ARAP1: variants seen among roughly 807,000 people sequenced by gnomAD.
ARAP1 encodes the protein arf-GAP with Rho-GAP domain, ANK repeat and PH domain-containing protein 1.
Under a neutral mutation model 172.2 loss-of-function variants are expected in ARAP1, and 76 were observed. The observed-to-expected ratio is 0.44, with a 90% CI of 0.37 to 0.53. ARAP1 has a LOEUF of 0.53. Among genes scored for constraint, ARAP1 ranks in the 20% least tolerant of loss-of-function variants. The pLI, the probability that ARAP1 is intolerant of heterozygous loss-of-function variation, is 0.00. For missense variants in ARAP1, 1,686 were observed against 1,977.5 expected (o/e 0.85, Z 2.80); for synonymous variants, 804 against 803.3 (o/e 1.00, Z -0.01).
At chr11:72,689,624 C>A (rs1855850023) in intron 30 of ARAP1, 1 of 152,272 alleles carries the variant, frequency 6.6e-6, no homozygotes, top group African/African-American at 2.4e-5. Flanking sequence ...TGCTTAGGGA[C>A]TGGAGAAGAC....
In ARAP1 at chr11:72,693,375, G is replaced by A. The variant is rs1370961358; in HGVS notation, c.3904C>T (p.Arg1302Cys). The change falls in exon 29 of 35, where the codon CGC (arginine) becomes TGC (cysteine). Residue 1302 changes from arginine to cysteine, a missense_variant. By Grantham distance (180) the Arg-to-Cys change is radical. This residue lies in a region of ARAP1 where 379 missense variants were observed against 500.1 expected (regional missense o/e 0.76). Coordinates refer to ENST00000393609, the MANE Select transcript of ARAP1 (RefSeq NM_001040118.3). This position sits in a 1 kb window ranked among gnomAD's most constrained non-coding sequence, Gnocchi z 4.6. Reference sequence around the variant, plus strand: ...CAGCTGCTGTTGAGGATGAAGTAGCGATCGTGGAAGCCACCTGAGGGCAGG... The same window carrying A: ...CAGCTGCTGTTGAGGATGAAGTAGCAATCGTGGAAGCCACCTGAGGGCAGG... ...LGLPSGGFHDRYFILNSSCLR... is the reference protein window; with the variant it reads ...LGLPSGGFHDCYFILNSSCLR... 3.1e-6 allele frequency: 5 copies of A among 1,613,782 alleles called. No homozygotes were observed. The highest frequency in any genetic ancestry group is 4.2e-6 in the Non-Finnish European group (5 of 1,179,850).
chr11:72,727,242 C>G, intron 2 of ARAP1, 70 bp from the exon 3 acceptor site: 1 of 1,303,944 alleles, frequency 7.7e-7, no homozygotes, highest in South Asian at 1.5e-5. Context: ...CAGCAGCCTG[C>G]ATGGCTCTCT....
intron 2 of ARAP1, among the ~76,000 whole-genome samples, chr11:72,727,618 C>T (rs113042705): frequency 1.8e-4 from 27 of 152,292 alleles, no homozygotes; most frequent in African/African-American, 5.3e-4. Context: ...AAGGGCTTAG[C>T]GAGCATTGAA....
At chr11:72,713,079 G>T in intron 5 of ARAP1, 97 bp downstream of exon 5, 1 of 1,299,232 alleles carries the variant, frequency 7.7e-7, no homozygotes, top group Non-Finnish European at 1.1e-6. Flanking sequence ...CCGGGAAATG[G>T]CTGCCCACTC....
At chr11:72,701,837 C>G in intron 15 of ARAP1, 54 bp from the exon 16 acceptor site, 1 of 1,593,922 alleles carries the variant, frequency 6.3e-7, no homozygotes, top group Non-Finnish European at 8.6e-7. Context: ...AGAGGGTGTC[C>G]CCACCTCACT....
At chr11:72,715,103 C>T (rs544230182) in intron 3 of ARAP1, among the ~76,000 whole-genome samples, 5 of 152,368 alleles carry the variant, frequency 3.3e-5, no homozygotes, top group East Asian at 1.9e-4. Context: ...TGAATCCTGC[C>T]TTAGTTTCTT....
rs1195707763 is a variant in ARAP1, at chr11:72,695,847, G to A, written c.3291C>T (p.Asp1097=). The A allele has an allele frequency of 6.2e-7, 1 of 1,613,078 alleles. No homozygotes were observed. Among genetic ancestry groups the A allele is most frequent in the Admixed American group, 1.7e-5 (1 of 59,934 alleles). ...SHLYCVQCFS[D]TNQMNVHNLA... ...GGTTGTGCACGTTCATCTGGTTCGTGTCTGAGAAGCACTGAACACTGGAGA... is the reference window on the plus strand; with the variant it reads ...GGTTGTGCACGTTCATCTGGTTCGTATCTGAGAAGCACTGAACACTGGAGA... The change falls in exon 24 of 35, where the codon GAC becomes GAT. Residue 1097 remains aspartate (D), a synonymous_variant. Transcript: ENST00000393609. The surrounding 1 kb of genome is among the most constrained non-coding windows in gnomAD (Gnocchi z 4.4).
At position 72,696,894 on chromosome 11, in the gene ARAP1, G is replaced by T. The variant is rs1325388263; in HGVS notation, c.3166+89C>A. The T allele has an allele frequency of 2.2e-6, 3 of 1,361,884 alleles. No individual in the cohort carries two copies. The African/African-American group carries it at 4.3e-5, about 20-fold the overall frequency. The allele number at this position is 1,361,884 out of a possible 1,614,324, so 84.4% of individuals were successfully genotyped here. On this transcript the variant is annotated intron_variant, in intron 22 of 34. Coordinates refer to ENST00000393609, the MANE Select transcript of ARAP1 (RefSeq NM_001040118.3). ...AACTGGAGCCTGTGGGTTAGGGTAAGCCTAGTGCAAGTGCCACAAGGGAAG... is the reference window on the plus strand; with the variant it reads ...AACTGGAGCCTGTGGGTTAGGGTAATCCTAGTGCAAGTGCCACAAGGGAAG...
rs762040438 is a variant in ARAP1 at position 72,685,505 on chromosome 11, G to A, written c.*159C>T. ...ACCCCTGCTGCCTCCCACCCCTGCCGGGGAACCCCATGCTGCAGTCAGGAT... is the reference window on the plus strand; with the variant it reads ...ACCCCTGCTGCCTCCCACCCCTGCCAGGGAACCCCATGCTGCAGTCAGGAT... On this transcript the variant is annotated 3_prime_UTR_variant, in exon 35 of 35. Transcript: ENST00000393609. The A allele has an allele frequency of 1.2e-4, 125 of 1,047,482 alleles. No individual in the cohort carries two copies. Among genetic ancestry groups the A allele is most frequent in the East Asian group, 7.7e-4 (31 of 40,512 alleles). 64.9% of individuals were successfully genotyped at this position (1,047,482 alleles called of 1,614,324 possible).
intron 1 of ARAP1, among the ~76,000 whole-genome samples, chr11:72,743,989 C>A (rs2886367): frequency 6.6e-6 from 1 of 151,874 alleles, no homozygotes. Context: ...TCCACTCTCA[C>A]GCTCCAACAC....
intron 4 of ARAP1, 104 bp from the exon 5 acceptor site, chr11:72,713,347 TC>T: frequency 2.0e-6 from 2 of 1,020,016 alleles, no homozygotes; most frequent in South Asian, 1.4e-5. Flanking sequence ...AAGACCCCCA[TC>T]CCCACCTCCC....
At chr11:72,687,347 G>A in intron 33 of ARAP1, 92 bp downstream of exon 33, 4 of 1,478,712 alleles carry the variant, frequency 2.7e-6, no homozygotes, top group Non-Finnish European at 3.8e-6. Context: ...GAAGCAAGGG[G>A]TGGGTTGAAT....
chr11:72,696,397 C>T (rs1856193942), intron 23 of ARAP1, 152 bp downstream of exon 23: 1 of 565,880 alleles, frequency 1.8e-6, no homozygotes, highest in Non-Finnish European at 2.9e-6. Context: ...CTGGGGAACC[C>T]TGCTCTACAA....
At chr11:72,707,024 G>T in intron 12 of ARAP1, 151 bp downstream of exon 12, 1 of 817,492 alleles carries the variant, frequency 1.2e-6, no homozygotes, top group Non-Finnish European at 1.8e-6. Flanking sequence ...AGGACTCAAA[G>T]CTAATCACAG....
At chr11:72,692,926 G>A in intron 29 of ARAP1, 141 bp from the exon 30 acceptor site, 2 of 1,086,520 alleles carry the variant, frequency 1.8e-6, no homozygotes, top group South Asian at 1.3e-5. Flanking sequence ...TCTGGGTTGG[G>A]AGAACACCTG....
chr11:72,696,470 G>T, intron 23 of ARAP1, 79 bp downstream of exon 23: 1 of 1,190,784 alleles, frequency 8.4e-7, no homozygotes. Context: ...GGCTCCCAGA[G>T]GAGGGTAGTC....
chr11:72,701,321 A>G (rs1392735079), intron 16 of ARAP1, among the ~76,000 whole-genome samples: 1 of 152,048 alleles, frequency 6.6e-6, no homozygotes, highest in Non-Finnish European at 1.5e-5. Context: ...GATCAGATGG[A>G]TAGGGCTTTC....
Position 72,695,397 on chromosome 11 carries a change from T to C in ARAP1, c.3566A>G (p.Gln1189Arg), listed in dbSNP as rs1340229222. The change falls in exon 26 of 35, where the codon CAG (glutamine) becomes CGG (arginine). Residue 1189 changes from glutamine to arginine, a missense_variant. Physicochemically the swap from Gln to Arg is conservative, Grantham distance 43. This residue lies in a region of ARAP1 where 379 missense variants were observed against 500.1 expected (regional missense o/e 0.76). Coordinates refer to ENST00000393609, the MANE Select transcript of ARAP1 (RefSeq NM_001040118.3). The surrounding 1 kb of genome is among the most constrained non-coding windows in gnomAD (Gnocchi z 4.4). ...YLEEKKAETE[Q>R]HIKVPASMTA... ...GGTCCCAGCACCTACCTTGATATGC[T>C]GCTCAGTCTCTGCCTTCTTCTCTTC... The C allele has an allele frequency of 6.2e-7, 1 of 1,614,104 alleles. No homozygotes were observed. Among genetic ancestry groups the C allele is most frequent in the Non-Finnish European group, 8.5e-7 (1 of 1,180,042 alleles).
rs1318351191 is a variant in ARAP1, at chr11:72,699,483, G to T, written c.2372C>A (p.Thr791Asn). ...GCTGGCCCGAATCTCTCCATTGGGG[G>T]TCACTGCCCGCTCATTCTCAAAGTA... ...LSYFENERAV[T>N]PNGEIRASEI... is the part of the protein sequence containing the mutation. Residue 791 changes from threonine (T) to asparagine (N), a missense_variant, in exon 17 of 35, where the codon ACC (threonine) becomes AAC (asparagine). Thr to Asn is a moderately conservative substitution (Grantham distance 65, BLOSUM62 0). This residue lies in a region of ARAP1 where 688 missense variants were observed against 856.9 expected (regional missense o/e 0.80). Transcript: ENST00000393609. This position sits in a 1 kb window ranked among gnomAD's most constrained non-coding sequence, Gnocchi z 4.2. 1 of 1,614,016 alleles carries T rather than the reference G, an allele frequency of 6.2e-7. No homozygotes were observed. The highest frequency in any genetic ancestry group is 1.7e-5 in the Admixed American group (1 of 60,006).
Sources: allele counts gnomAD v4.1 joint callset (sites outside exome capture counted in the v4.1 genomes callset), GRCh38; gene constraint gnomAD v4.1.1; regional missense constraint gnomAD v4.1.1; non-coding constraint Gnocchi (gnomAD v3.1); transcripts MANE v1.5; gene names NCBI Gene and HGNC (gene_info 2026-07-23, HGNC 2026-07-21).